SLF2: variants seen among roughly 807,000 people sequenced by gnomAD.
SLF2 encodes the protein SMC5/6 complex localization factor 2.
A neutral mutation model predicts 124.3 loss-of-function variants in SLF2; 68 were observed. The observed-to-expected ratio is 0.55, with a 90% CI of 0.45 to 0.67. The LOEUF is 0.67. Among genes scored for constraint, SLF2 ranks in the 30% least tolerant of loss-of-function variants. SLF2 has a pLI of 0.00. For synonymous variants in SLF2, 480 were observed against 478.8 expected, an observed-to-expected ratio of 1.00 and a Z score of -0.03; for missense variants, 1,246 against 1,373.7, an observed-to-expected ratio of 0.91 and a Z score of 1.47.
At chr10:100,945,546 G>A (rs202156934) in intron 13 of SLF2, 40 bp downstream of exon 13, 6 of 1,447,224 alleles carry the variant, frequency 4.1e-6, no homozygotes, top group Non-Finnish European at 9.1e-7. Flanking sequence ...TTTTTATATA[G>A]CATTACAATT....
intron 11 of SLF2, among the ~76,000 whole-genome samples, chr10:100,939,799 A>C (rs971373622): frequency 6.6e-6 from 1 of 152,230 alleles, no homozygotes; most frequent in African/African-American, 2.4e-5. Context: ...AAAGGAAGTA[A>C]AAATGGAAAG....
intron 6 of SLF2, 150 bp downstream of exon 6, chr10:100,926,169 G>A (rs192297765): frequency 7.1e-6 from 11 of 1,553,322 alleles, no homozygotes; most frequent in African/African-American, 5.5e-5. Context: ...TATGTTGGCC[G>A]GACGCAGTGG....
rs775821603 is a variant in SLF2, at chr10:100,956,546, GTTCT to G, written c.3417+16_3417+19del. On this transcript the variant is annotated intron_variant, in intron 18 of 19. Coordinates refer to ENST00000238961, the MANE Select transcript of SLF2 (RefSeq NM_018121.4). Reference sequence around the variant, plus strand: ...TTTTTTACAGAACTAAGGTAAGTGTGTTCTTTCTTTTTTTCTTTTTTTTTTTCTT... The same window carrying G: ...TTTTTTACAGAACTAAGGTAAGTGTGTTCTTTTTTTCTTTTTTTTTTTCTT... 9 of 1,556,180 alleles carry G rather than the reference GTTCT, an allele frequency of 5.8e-6. No homozygotes were observed. Among genetic ancestry groups the G allele is most frequent in the East Asian group, 2.3e-5 (1 of 44,324 alleles).
intron 9 of SLF2, among the ~76,000 whole-genome samples, chr10:100,932,722 C>T (rs10883564): frequency 1.2e-3 from 31 of 25,592 alleles, no homozygotes; most frequent in Non-Finnish European, 1.7e-3. Flanking sequence ...TGTGTGTGTG[C>T]GCGCGCGCGC....
rs768092411 is a variant in SLF2, at chr10:100,917,159, G to T, written c.774G>T (p.Glu258Asp). The change falls in exon 3 of 20, where the codon GAG becomes GAT. Residue 258 changes from glutamate to aspartate, a missense_variant. Around this residue, in one of 3 missense-constraint regions of SLF2, gnomAD observed 698 missense variants for 708.9 expected, o/e 0.98. Transcript: ENST00000238961. ...AGAGGTTGAGAAAGGAGCAAATGGA[G>T]CAGAGAATCAACTCCGAGAATTCTT... ...ELKRLRKEQMEQRINSENSFS... is the reference protein window; with the variant it reads ...ELKRLRKEQMDQRINSENSFS... The T allele has an allele frequency of 6.2e-7, 1 of 1,614,018 alleles. No homozygotes were observed. The highest frequency in any genetic ancestry group is 1.3e-5 in the African/African-American group (1 of 74,896).
chr10:100,915,292 A>C (rs1849393535), intron 1 of SLF2, among the ~76,000 whole-genome samples: 1 of 152,212 alleles, frequency 6.6e-6, no homozygotes, highest in Admixed American at 6.5e-5. Flanking sequence ...TAAGAATTTG[A>C]AACTAGTTGT....
rs558902788 is a variant in SLF2 at position 100,950,005 on chromosome 10, GA to G, written c.3121-64del. The G allele has an allele frequency of 8.9e-4, 1,261 of 1,413,652 alleles. 10 individuals carry two copies. The African/African-American group carries it at 0.016, about 18-fold the overall frequency. The allele number at this position is 1,413,652 out of a possible 1,614,324, so 87.6% of individuals were successfully genotyped here. Reference sequence around the variant, plus strand: ...GGACAAAATGAAAGAGTACACACTGGAAAAAAATAGCCTAAGAAAGAACAAC... The same window carrying G: ...GGACAAAATGAAAGAGTACACACTGGAAAAAATAGCCTAAGAAAGAACAAC... On this transcript the variant is annotated intron_variant, in intron 15 of 19. Coordinates refer to ENST00000238961, the MANE Select transcript of SLF2 (RefSeq NM_018121.4).
chr10:100,925,917 T>G (rs771739909), intron 5 of SLF2, 32 bp from the exon 6 acceptor site: 62 of 1,539,892 alleles, frequency 4.0e-5, no homozygotes, highest in Non-Finnish European at 5.4e-5. Flanking sequence ...CTAAGACATG[T>G]GGTAAAGTAT....
In SLF2 at chr10:100,964,663, A is replaced by G. The variant is rs974441388; in HGVS notation, c.*2751A>G. The G allele has an allele frequency of 1.3e-5, 2 of 152,690 alleles. No individual in the cohort carries two copies. Among genetic ancestry groups the G allele is most frequent in the Non-Finnish European group, 2.9e-5 (2 of 68,048 alleles). The allele number at this position is 152,690 out of a possible 1,614,324, so 9.5% of individuals were successfully genotyped here. Reference sequence around the variant, plus strand: ...GATACAAAATGGCGTGTTATCATCCAGGCTTAGTTGGAGTATTTGCATTTT... The same window carrying G: ...GATACAAAATGGCGTGTTATCATCCGGGCTTAGTTGGAGTATTTGCATTTT... On this transcript the variant is annotated 3_prime_UTR_variant, in exon 20 of 20. Coordinates refer to ENST00000238961, the MANE Select transcript of SLF2 (RefSeq NM_018121.4).
At chr10:100,954,366 T>C (rs900523193) in intron 17 of SLF2, among the ~76,000 whole-genome samples, 3 of 152,246 alleles carry the variant, frequency 2.0e-5, no homozygotes, top group African/African-American at 7.2e-5. Context: ...ATAGTGTTAA[T>C]ATGAACATGC....
In SLF2 at chr10:100,924,850, G is replaced by C. The variant is rs1849585190; in HGVS notation, c.1849G>C (p.Glu617Gln). ...AGGTTACAACCTAGACAGTGATGAG[G>C]AAGAGGAAACATTAAAGTCACTGGA... Reference protein sequence around the residue: ...SLGYNLDSDEEEETLKSLEEI... With the variant: ...SLGYNLDSDEQEETLKSLEEI... The change falls in exon 5 of 20, where the codon GAA becomes CAA. Residue 617 changes from glutamate to glutamine, a missense_variant. This residue lies in a region of SLF2 where 13 missense variants were observed against 32.0 expected (regional missense o/e 0.41). Coordinates refer to ENST00000238961, the MANE Select transcript of SLF2 (RefSeq NM_018121.4). 6.2e-7 allele frequency: 1 copy of C among 1,614,064 alleles called. No homozygotes were observed. Among genetic ancestry groups the C allele is most frequent in the Non-Finnish European group, 8.5e-7 (1 of 1,180,040 alleles).
intron 6 of SLF2, among the ~76,000 whole-genome samples, chr10:100,928,998 A>T (rs1460989572): frequency 6.6e-6 from 1 of 152,168 alleles, no homozygotes; most frequent in Admixed American, 6.5e-5. Flanking sequence ...TTCCTTTCCC[A>T]TTCTGTGAGT....
At chr10:100,940,242 T>C (rs1161675578) in intron 11 of SLF2, among the ~76,000 whole-genome samples, 2 of 152,234 alleles carry the variant, frequency 1.3e-5, no homozygotes, top group Non-Finnish European at 2.9e-5. Flanking sequence ...ATAGTCACTA[T>C]TGTTGTATAC....
intron 1 of SLF2, among the ~76,000 whole-genome samples, chr10:100,915,517 T>C (rs1048289964): frequency 6.6e-6 from 1 of 152,198 alleles, no homozygotes; most frequent in Admixed American, 6.5e-5. Flanking sequence ...ATTTTTATAA[T>C]CCCCATTATT....
rs777468850 is a variant in SLF2 at position 100,917,220 on chromosome 10, A to G, written c.835A>G (p.Ile279Val). Residue 279 changes from isoleucine (I) to valine (V), a missense_variant, in exon 3 of 20, where the codon ATA becomes GTA. Transcript: ENST00000238961. ...EASSLSLKSS[I>V]ERKYKPRQEQ... ...AAGCAGTCTTTCCTTAAAATCTAGT[A>G]TAGAAAGAAAATATAAACCAAGGCA... 13 of 1,614,058 alleles carry G rather than the reference A, an allele frequency of 8.1e-6. No homozygotes were observed. Among genetic ancestry groups the G allele is most frequent in the Admixed American group, 3.3e-5 (2 of 60,006 alleles).
chr10:100,935,277 C>T (rs1445745830), intron 9 of SLF2, among the ~76,000 whole-genome samples: 2 of 152,130 alleles, frequency 1.3e-5, no homozygotes, highest in East Asian at 3.9e-4. Flanking sequence ...TGCCTGTAAT[C>T]CCAGCTACTG....
intron 9 of SLF2, among the ~76,000 whole-genome samples, chr10:100,934,419 G>A (rs1402404799): frequency 1.3e-5 from 2 of 152,214 alleles, no homozygotes; most frequent in East Asian, 3.9e-4. Context: ...AAGATTGTTA[G>A]AAACCTTGTC....
rs201773103 is a variant in SLF2, at chr10:100,913,157, C to T, written c.47C>T (p.Pro16Leu). 1.4e-5 allele frequency: 23 copies of T among 1,613,534 alleles called. No homozygotes were observed. The highest frequency in any genetic ancestry group is 1.2e-4 in the Admixed American group (7 of 59,988). ...MPARPGFPSS[P>L]APGSSPPRCH... ...GCTAGGCCAGGTTTCCCCTCATCCCCAGCCCCGGGGTCGTCGCCCCCGCGC... is the reference window on the plus strand; with the variant it reads ...GCTAGGCCAGGTTTCCCCTCATCCCTAGCCCCGGGGTCGTCGCCCCCGCGC... The change falls in exon 1 of 20, where the codon CCA becomes CTA. Residue 16 changes from proline (P) to leucine (L), a missense_variant. Physicochemically the swap from Pro to Leu is moderately conservative, Grantham distance 98 (BLOSUM62 -3). Around this residue, in one of 3 missense-constraint regions of SLF2, gnomAD observed 698 missense variants for 708.9 expected, o/e 0.98. Coordinates refer to ENST00000238961, the MANE Select transcript of SLF2 (RefSeq NM_018121.4).
intron 17 of SLF2, among the ~76,000 whole-genome samples, chr10:100,956,246 AGT>A (rs1850327114): frequency 1.3e-5 from 2 of 152,200 alleles, no homozygotes; most frequent in East Asian, 3.8e-4. Context: ...CTTTTGTTAC[AGT>A]GTGTATTTTT....
Sources: gnomAD v4.1 joint callset for allele counts (sites outside exome capture counted in the v4.1 genomes callset) on GRCh38, gnomAD v4.1.1 for gene constraint, gnomAD v4.1.1 regional missense constraint, MANE v1.5 for transcripts, NCBI Gene and HGNC (gene_info 2026-07-23, HGNC 2026-07-21) for gene names.